The following CDK14 variants were observed in gnomAD, a reference collection of about 807,000 sequenced individuals.
CDK14 encodes the protein cyclin dependent kinase 14.
A neutral mutation model predicts 60.7 loss-of-function variants in CDK14; 34 were observed. The observed-to-expected ratio is 0.56, with a 90% CI of 0.43 to 0.75. CDK14 has a LOEUF of 0.75. CDK14 is among the 30% of genes least tolerant of loss of function. The probability of loss-of-function intolerance (pLI) is 0.00; values close to 1 mark genes in which losing one functional copy is unlikely to be tolerated. For missense variants in CDK14, 482 were observed against 564.1 expected (o/e 0.85, Z 1.47); for synonymous variants, 197 against 203.7 (o/e 0.97, Z 0.28).
intron 5 of CDK14, among the ~76,000 whole-genome samples, chr7:90,839,955 C>T (rs1395089584): frequency 6.6e-6 from 1 of 152,128 alleles, no homozygotes; most frequent in Non-Finnish European, 1.5e-5. Flanking sequence ...TACTGCATGC[C>T]TACTGTGTAG....
At chr7:90,894,082 C>G (rs914036822) in intron 6 of CDK14, among the ~76,000 whole-genome samples, 70 of 152,180 alleles carry the variant, frequency 4.6e-4, no homozygotes, top group African/African-American at 1.6e-3. Context: ...TTCCCTACCT[C>G]TAAACACGCT....
intron 14 of CDK14, among the ~76,000 whole-genome samples, chr7:91,194,962 G>C (rs1802487194): frequency 6.6e-6 from 1 of 152,192 alleles, no homozygotes; most frequent in Admixed American, 6.6e-5. Context: ...CCTGGGGTGT[G>C]CTGGCTCCTC....
chr7:91,161,185 T>C (rs1201484063), intron 14 of CDK14, among the ~76,000 whole-genome samples: 1 of 152,110 alleles, frequency 6.6e-6, no homozygotes, highest in African/African-American at 2.4e-5. Context: ...CTGGACGGGT[T>C]GATAGGATTA....
chr7:90,886,431 C>T (rs566407597), intron 6 of CDK14, among the ~76,000 whole-genome samples: 2 of 152,236 alleles, frequency 1.3e-5, no homozygotes, highest in African/African-American at 4.8e-5. Context: ...CAAATTTGAG[C>T]ACCAATAACT....
chr7:90,702,397 A>T (rs1053454519), intron 2 of CDK14, among the ~76,000 whole-genome samples: 12 of 152,128 alleles, frequency 7.9e-5, no homozygotes, highest in African/African-American at 2.9e-4. Flanking sequence ...ACTCTCACCC[A>T]GTGATACTGA....
rs544634626 is a variant in CDK14, at chr7:90,850,479, C to CTGAGAGAAGG, written c.545-12694_545-12685dup. ...ATAATACTGTGACAGGACAACACTGCTGAGAGAAGGTTAGAAAAGGCACCT... is the reference window on the plus strand; with the variant it reads ...ATAATACTGTGACAGGACAACACTGCTGAGAGAAGGTGAGAGAAGGTTAGAAAAGGCACCT... On this transcript the variant is annotated intron_variant, in intron 5 of 14. Coordinates refer to ENST00000380050, the MANE Select transcript of CDK14 (RefSeq NM_001287135.2). 3.3e-5 allele frequency among the ~76,000 whole-genome samples: 5 copies of CTGAGAGAAGG among 152,172 alleles called. No homozygotes were observed. The South Asian group carries it at 1.0e-3, about 32-fold the overall frequency.
At chr7:90,811,260 A>T (rs1789096428) in intron 5 of CDK14, among the ~76,000 whole-genome samples, 1 of 152,148 alleles carries the variant, frequency 6.6e-6, no homozygotes, top group Non-Finnish European at 1.5e-5. Context: ...TACTGGTACC[A>T]AAACAGAGAT....
At chr7:90,911,364 G>C (rs1448002952) in intron 7 of CDK14, among the ~76,000 whole-genome samples, 3 of 152,160 alleles carry the variant, frequency 2.0e-5, no homozygotes, top group African/African-American at 7.2e-5. Flanking sequence ...TTTAAGATGA[G>C]AAACCTGAGT....
chr7:90,974,323 G>T (rs1261376905), intron 9 of CDK14, among the ~76,000 whole-genome samples: 1 of 151,948 alleles, frequency 6.6e-6, no homozygotes, highest in Non-Finnish European at 1.5e-5. Flanking sequence ...CAAACAATTT[G>T]TACAGTTAAC....
intron 9 of CDK14, among the ~76,000 whole-genome samples, chr7:90,956,893 T>A (rs1192605325): frequency 6.6e-6 from 1 of 151,810 alleles, no homozygotes; most frequent in African/African-American, 2.4e-5. Flanking sequence ...TGATAGTTTA[T>A]TGAGAATGAT....
At chr7:90,957,979 C>A (rs73227073) in intron 9 of CDK14, among the ~76,000 whole-genome samples, 2,246 of 152,204 alleles carry the variant, frequency 0.015, 45 homozygotes, top group East Asian at 0.018. Context: ...AATGATTATG[C>A]CCCCATATGT....
At chr7:90,906,327 A>G (rs974225345) in intron 7 of CDK14, among the ~76,000 whole-genome samples, 3 of 152,238 alleles carry the variant, frequency 2.0e-5, no homozygotes, top group African/African-American at 4.8e-5. Context: ...AGTTCTTTAT[A>G]AATTTATGGA....
At chr7:90,934,121 G>A (rs917994213) in intron 8 of CDK14, among the ~76,000 whole-genome samples, 3 of 152,236 alleles carry the variant, frequency 2.0e-5, no homozygotes, top group South Asian at 4.1e-4. Flanking sequence ...CCCTGGAAAG[G>A]CGGTCAGTGC....
At chr7:90,948,624 C>T (rs553839885) in intron 8 of CDK14, among the ~76,000 whole-genome samples, 2 of 152,316 alleles carry the variant, frequency 1.3e-5, no homozygotes, top group East Asian at 3.9e-4. Context: ...CTATTCAGCT[C>T]AGCTGTTTAG....
At chr7:91,164,820 C>T (rs888737576) in intron 14 of CDK14, among the ~76,000 whole-genome samples, 1 of 152,192 alleles carries the variant, frequency 6.6e-6, no homozygotes, top group Admixed American at 6.5e-5. Context: ...CTGTGACGTA[C>T]TGAAGAAATC....
chr7:91,063,337 T>A (rs1012734677), intron 11 of CDK14, among the ~76,000 whole-genome samples: 89 of 152,316 alleles, frequency 5.8e-4, no homozygotes, highest in Admixed American at 2.0e-3. Context: ...AAGCACTGTT[T>A]TGCCCCCAAA....
chr7:90,880,348 C>T (rs1000850650), intron 6 of CDK14, among the ~76,000 whole-genome samples: 1 of 152,202 alleles, frequency 6.6e-6, no homozygotes, highest in Non-Finnish European at 1.5e-5. Context: ...CAGGCCCAGC[C>T]GTAACCCATC....
At chr7:91,185,075 T>C (rs1194932307) in intron 14 of CDK14, among the ~76,000 whole-genome samples, 1 of 150,030 alleles carries the variant, frequency 6.7e-6, no homozygotes, top group East Asian at 1.9e-4. Flanking sequence ...AACAAGTGTT[T>C]GTTCATGTAT....
chr7:90,849,625 A>T (rs1360519601), intron 5 of CDK14, among the ~76,000 whole-genome samples: 1 of 152,012 alleles, frequency 6.6e-6, no homozygotes, highest in African/African-American at 2.4e-5. Context: ...TGAAGGGGCC[A>T]GTTGTGTAGC....
Sources: gnomAD v4.1 joint callset for allele counts (sites outside exome capture counted in the v4.1 genomes callset) on GRCh38, gnomAD v4.1.1 for gene constraint, MANE v1.5 for transcripts, NCBI Gene and HGNC (gene_info 2026-07-23, HGNC 2026-07-21) for gene names.